Variants in C9orf43 observed in about 807,000 individuals in gnomAD.
C9orf43 encodes the protein chromosome 9 open reading frame 43, also known as uncharacterized protein C9orf43.
Under a neutral mutation model 59.1 loss-of-function variants are expected in C9orf43, and 45 were observed. The ratio of observed to expected loss-of-function variants is 0.76; its 90% CI spans 0.60 to 0.98. The LOEUF is 0.98. C9orf43 is among the 50% of genes least tolerant of loss of function. The probability of loss-of-function intolerance (pLI) is 0.00; values close to 1 mark genes in which losing one functional copy is unlikely to be tolerated. For synonymous variants in C9orf43, 203 were observed against 196.8 expected (o/e 1.03, Z -0.26); for missense variants, 533 against 554.9 (o/e 0.96, Z 0.40).
At chr9:113,423,929 A>G (rs946007601) in intron 7 of C9orf43, among the ~76,000 whole-genome samples, 1 of 152,208 alleles carries the variant, frequency 6.6e-6, no homozygotes, top group Non-Finnish European at 1.5e-5. Context: ...TGGGAGTAAT[A>G]TCTGTTCTCA....
intron 3 of C9orf43, among the ~76,000 whole-genome samples, chr9:113,416,424 T>C (rs1053286133): frequency 1.3e-5 from 2 of 152,220 alleles, no homozygotes; most frequent in Admixed American, 6.5e-5. Flanking sequence ...GGTTTTCTGA[T>C]TGTGCTTTTC....
intron 7 of C9orf43, 84 bp from the exon 8 acceptor site, chr9:113,424,082 G>C (rs979957483): frequency 6.8e-7 from 1 of 1,479,176 alleles, no homozygotes; most frequent in African/African-American, 1.4e-5. Context: ...AAATTTCTTG[G>C]AGCCCTTTAC....
At chr9:113,424,114 C>G in intron 7 of C9orf43, 52 bp from the exon 8 acceptor site, 1 of 1,533,254 alleles carries the variant, frequency 6.5e-7, no homozygotes, top group Non-Finnish European at 8.7e-7. Context: ...CTCAGCCATG[C>G]TTTCCGGGAA....
chr9:113,416,188 T>C (rs74490114), intron 3 of C9orf43, among the ~76,000 whole-genome samples: 5,046 of 152,354 alleles, frequency 0.033, 141 homozygotes, highest in Middle Eastern at 0.061. Flanking sequence ...CTGGTTTCCC[T>C]GCCTTTTCTC....
intron 3 of C9orf43, among the ~76,000 whole-genome samples, chr9:113,414,841 A>G (rs1194992214): frequency 5.3e-5 from 8 of 151,994 alleles, no homozygotes; most frequent in African/African-American, 1.9e-4. Flanking sequence ...CCATCCATAT[A>G]TGCCATCTTT....
chr9:113,422,399 T>C, intron 5 of C9orf43, 150 bp from the exon 6 acceptor site: 1 of 1,124,132 alleles, frequency 8.9e-7, no homozygotes, highest in Non-Finnish European at 1.2e-6. Context: ...TATCTTTGAG[T>C]ACTGATCAAA....
chr9:113,421,229 G>C (rs41276809), intron 5 of C9orf43, 26 bp downstream of exon 5: 83,498 of 1,510,006 alleles, frequency 0.055, 2,682 homozygotes, highest in South Asian at 0.099. Flanking sequence ...GGAACTCAGA[G>C]GACTTTGACT....
chr9:113,425,529 A>G, intron 10 of C9orf43, 109 bp downstream of exon 10: 3 of 1,489,838 alleles, frequency 2.0e-6, no homozygotes, highest in Admixed American at 4.3e-5. Context: ...GGTTATAGAT[A>G]AAAAGTTCTT....
chr9:113,427,326 C>T (rs1007927004), intron 11 of C9orf43, among the ~76,000 whole-genome samples: 1 of 152,210 alleles, frequency 6.6e-6, no homozygotes, highest in Non-Finnish European at 1.5e-5. Flanking sequence ...TAGGCATGCA[C>T]CACCACGCCT....
At chr9:113,429,137 T>A in intron 13 of C9orf43, 35 bp from the exon 14 acceptor site, 2 of 1,598,564 alleles carry the variant, frequency 1.3e-6, no homozygotes, top group Non-Finnish European at 1.7e-6. Context: ...TGAGAGGAGT[T>A]TACAGGTGCA....
At chr9:113,418,557 A>T (rs1159051303) in intron 3 of C9orf43, among the ~76,000 whole-genome samples, 3 of 152,216 alleles carry the variant, frequency 2.0e-5, no homozygotes. Flanking sequence ...AAGATAGAAC[A>T]ATTAAAATAT....
chr9:113,410,821 T>G lies in C9orf43; in HGVS notation c.-230T>G. ...CCGCAAGGGGCCACGTTTTACCACT[T>G]GATTTAGCAACCCTAAGCGGTTTGG... On this transcript the variant is annotated 5_prime_UTR_variant, in exon 1 of 14. Coordinates refer to ENST00000374165, the MANE Select transcript of C9orf43 (RefSeq NM_001278629.2). 2.0e-6 allele frequency: 1 copy of G among 500,014 alleles called. No individual in the cohort carries two copies. Among genetic ancestry groups the G allele is most frequent in the Non-Finnish European group, 2.6e-6 (1 of 381,784 alleles). The allele number at this position is 500,014 out of a possible 1,614,324, so 31.0% of individuals were successfully genotyped here.
At chr9:113,422,759 C>G (rs1828631005) in intron 6 of C9orf43, among the ~76,000 whole-genome samples, 174 bp downstream of exon 6, 1 of 152,088 alleles carries the variant, frequency 6.6e-6, no homozygotes, top group Non-Finnish European at 1.5e-5. Flanking sequence ...TCAGAGACTC[C>G]TTTTTTCTGT....
In C9orf43 at chr9:113,428,940, C is replaced by G. The variant is rs775890908; in HGVS notation, c.1148C>G (p.Ala383Gly). Residue 383 changes from alanine (A) to glycine (G), a missense_variant, in exon 13 of 14, where the codon GCG (alanine) becomes GGG (glycine). Transcript: ENST00000374165. ...CCAAAGATGAACTACTATGACCATG[C>G]GGATTTCCACCACAGTGTAAAAAGT... The part of the protein sequence containing the change: ...ERPKMNYYDH[A>G]DFHHSVKSPE... 6.2e-7 allele frequency: 1 copy of G among 1,613,662 alleles called. No homozygotes were observed. The highest frequency in any genetic ancestry group is 1.7e-5 in the Admixed American group (1 of 60,008).
At chr9:113,416,043 G>T (rs2119063663) in intron 3 of C9orf43, among the ~76,000 whole-genome samples, 1 of 152,320 alleles carries the variant, frequency 6.6e-6, no homozygotes, top group South Asian at 2.1e-4. Context: ...GCGCAGAGCT[G>T]TGAGAGAGCT....
At chr9:113,417,454 A>G (rs1398974358) in intron 3 of C9orf43, among the ~76,000 whole-genome samples, 1 of 152,244 alleles carries the variant, frequency 6.6e-6, no homozygotes, top group African/African-American at 2.4e-5. Flanking sequence ...GAATGCTGGG[A>G]TACAATAGTA....
intron 4 of C9orf43, among the ~76,000 whole-genome samples, chr9:113,419,744 A>G (rs1488727983): frequency 4.6e-5 from 7 of 152,344 alleles, no homozygotes; most frequent in East Asian, 1.9e-4. Context: ...GAAGAACACT[A>G]TAATGGTTTG....
chr9:113,422,829 C>A (rs145160984), intron 6 of C9orf43, among the ~76,000 whole-genome samples: 2 of 152,080 alleles, frequency 1.3e-5, no homozygotes, highest in African/African-American at 4.8e-5. Flanking sequence ...GTTGCGTGTT[C>A]AGGGGGGGAG....
At chr9:113,416,095 C>T (rs1263082133) in intron 3 of C9orf43, among the ~76,000 whole-genome samples, 1 of 152,264 alleles carries the variant, frequency 6.6e-6, no homozygotes, top group Non-Finnish European at 1.5e-5. Flanking sequence ...CTTCTTCCTT[C>T]AGTGTGTCTT....
Sources: allele counts gnomAD v4.1 joint callset (sites outside exome capture counted in the v4.1 genomes callset), GRCh38; gene constraint gnomAD v4.1.1; transcripts MANE v1.5; gene names NCBI Gene and HGNC (gene_info 2026-07-23, HGNC 2026-07-21).